Variants in GPHN observed in about 807,000 individuals in gnomAD.
GPHN encodes the protein gephyrin.
Under a neutral mutation model 95.5 loss-of-function variants are expected in GPHN, and 17 were observed. The observed-to-expected ratio is 0.18, with a 90% CI of 0.12 to 0.27. The LOEUF (loss-of-function observed/expected upper bound fraction) is 0.27, where lower values mean the gene tolerates loss of function less well. Among genes scored for constraint, GPHN ranks in the 10% least tolerant of loss-of-function variants. The pLI is 1.00. For missense variants in GPHN, 660 were observed against 978.1 expected, an observed-to-expected ratio of 0.67 and a Z score of 4.34; for synonymous variants, 320 against 322.5, an observed-to-expected ratio of 0.99 and a Z score of 0.08.
intron 8 of GPHN, among the ~76,000 whole-genome samples, chr14:66,963,700 C>T (rs1300651338): frequency 2.0e-5 from 3 of 152,190 alleles, no homozygotes; most frequent in East Asian, 3.9e-4. Context: ...CAAATGGAGT[C>T]GTCTTGCTTC....
chr14:66,853,033 C>A (rs759779677), intron 4 of GPHN, among the ~76,000 whole-genome samples: 2 of 152,020 alleles, frequency 1.3e-5, no homozygotes, highest in Non-Finnish European at 2.9e-5. Flanking sequence ...TCTGATATAC[C>A]TCAGGGTCTG....
intron 8 of GPHN, among the ~76,000 whole-genome samples, chr14:66,957,292 T>G (rs1340718918): frequency 1.4e-5 from 2 of 145,638 alleles, no homozygotes; most frequent in African/African-American, 2.6e-5. Context: ...ACCTCCTGAG[T>G]TCAAGCAATT....
intron 2 of GPHN, among the ~76,000 whole-genome samples, chr14:66,699,802 A>G (rs1304353750): frequency 6.6e-6 from 1 of 152,232 alleles, no homozygotes; most frequent in African/African-American, 2.4e-5. Context: ...GAAGTAAACT[A>G]TGGCTGTGTT....
intron 4 of GPHN, among the ~76,000 whole-genome samples, chr14:66,834,461 AT>A (rs1191459695): frequency 1.3e-5 from 2 of 152,044 alleles, no homozygotes; most frequent in Non-Finnish European, 1.5e-5. Flanking sequence ...AGTTTTTAAT[AT>A]GAAAGTTGTT....
chr14:67,532,062 A>G, the GPHN span, among the ~76,000 whole-genome samples: 3 of 152,140 alleles, frequency 2.0e-5, no homozygotes, highest in Admixed American at 6.5e-5. Context: ...ATCTATCCCA[A>G]TCCCCACGAG....
chr14:67,261,807 C>CA, the GPHN span, among the ~76,000 whole-genome samples: 1 of 151,966 alleles, frequency 6.6e-6, no homozygotes, highest in African/African-American at 2.4e-5. Flanking sequence ...ATCTTGTTAC[C>CA]ACAATCAGGT....
chr14:66,995,621 ATACAGT>A (rs1192648597), intron 9 of GPHN, among the ~76,000 whole-genome samples: 1 of 152,230 alleles, frequency 6.6e-6, no homozygotes, highest in South Asian at 2.1e-4. Flanking sequence ...GGCACTGGAA[ATACAGT>A]TAAAGAACAA....
chr14:66,846,625 T>C (rs138030677), intron 4 of GPHN, among the ~76,000 whole-genome samples: 66 of 152,318 alleles, frequency 4.3e-4, no homozygotes, highest in African/African-American at 1.4e-3. Context: ...TTACAACTTA[T>C]CACAGCTGAA....
chr14:67,254,636 A>C, the GPHN span, among the ~76,000 whole-genome samples: 1 of 152,152 alleles, frequency 6.6e-6, no homozygotes, highest in Non-Finnish European at 1.5e-5. Flanking sequence ...TAATTTATAG[A>C]TAGCACCAGA....
At chr14:67,405,405 A>G in the GPHN span, among the ~76,000 whole-genome samples, 2 of 152,084 alleles carry the variant, frequency 1.3e-5, no homozygotes, top group African/African-American at 4.8e-5. Flanking sequence ...TTCATTTAAT[A>G]ATCAATGATT....
At chr14:67,593,281 G>C in the GPHN span, 1 of 178,646 alleles carries the variant, frequency 5.6e-6, no homozygotes. Flanking sequence ...CTTGAGCCCA[G>C]GAATTCAAGA....
chr14:67,685,353 A>T, the GPHN span: 23 of 619,970 alleles, frequency 3.7e-5, no homozygotes, highest in South Asian at 4.5e-4. Flanking sequence ...ACAGTAATTT[A>T]TACTTCCATC....
the GPHN span, among the ~76,000 whole-genome samples, chr14:67,399,242 G>C: frequency 0.019 from 2,897 of 149,534 alleles, 33 homozygotes; most frequent in Middle Eastern, 0.035. Context: ...TTAGGTGGCT[G>C]TCAGGTGGCA....
chr14:67,340,386 GC>G, the GPHN span: 1 of 1,467,258 alleles, frequency 6.8e-7, no homozygotes, highest in Non-Finnish European at 9.5e-7. Context: ...AGCAAATACA[GC>G]CTTTGGAATA....
At chr14:67,081,627 T>G (rs1353715582) in intron 11 of GPHN, among the ~76,000 whole-genome samples, 1 of 152,204 alleles carries the variant, frequency 6.6e-6, no homozygotes, top group Admixed American at 6.5e-5. Context: ...TTTATCATTG[T>G]TTTTCTTGCA....
chr14:66,744,699 G>A (rs2058072700), intron 2 of GPHN, among the ~76,000 whole-genome samples: 1 of 152,160 alleles, frequency 6.6e-6, no homozygotes, highest in Admixed American at 6.5e-5. Context: ...GGTTGACTGA[G>A]CATTTTGTTA....
chr14:66,578,953 G>T (rs189892457), intron 1 of GPHN, among the ~76,000 whole-genome samples: 1 of 151,962 alleles, frequency 6.6e-6, no homozygotes, highest in Admixed American at 6.6e-5. Flanking sequence ...CAATGGTGGT[G>T]TGTAAATCAA....
the GPHN span, chr14:67,225,176 T>C: frequency 6.3e-7 from 1 of 1,578,410 alleles, no homozygotes; most frequent in South Asian, 1.2e-5. Flanking sequence ...CTCATCTGTC[T>C]GCCCCTTTCT....
At chr14:67,537,382 A>ATAATAATAATAAT in the GPHN span, among the ~76,000 whole-genome samples, 32 of 93,448 alleles carry the variant, frequency 3.4e-4, no homozygotes, top group Admixed American at 2.3e-3. Flanking sequence ...ATAATAATAA[A>ATAATAATAATAAT]AACTTAATCT....
Sources: gnomAD v4.1 joint callset for allele counts (sites outside exome capture counted in the v4.1 genomes callset) on GRCh38, gnomAD v4.1.1 for gene constraint, MANE v1.5 for transcripts, NCBI Gene and HGNC (gene_info 2026-07-23, HGNC 2026-07-21) for gene names.